CNTNAP2: variants seen among roughly 807,000 people sequenced by gnomAD.
The protein encoded by CNTNAP2 is contactin associated protein 2.
In CNTNAP2, 98 loss-of-function variants were observed where a neutral mutation model predicts 155.2. The observed-to-expected ratio is 0.63, with a 90% CI of 0.54 to 0.75. The LOEUF (loss-of-function observed/expected upper bound fraction) is 0.75. CNTNAP2 is among the 30% of genes least tolerant of loss of function. The probability of loss-of-function intolerance (pLI) is 0.00; values close to 1 mark genes in which losing one functional copy is unlikely to be tolerated. For synonymous variants in CNTNAP2, 651 were observed against 631.2 expected, an observed-to-expected ratio of 1.03 and a Z score of -0.47; for missense variants, 1,727 against 1,688.1, an observed-to-expected ratio of 1.02 and a Z score of -0.40.
chr7:146,720,886 ACT>A (rs1377709492), intron 1 of CNTNAP2, among the ~76,000 whole-genome samples: 2 of 136,920 alleles, frequency 1.5e-5, no homozygotes, highest in Admixed American at 7.2e-5. Context: ...CTATATATAT[ACT>A]CTCTATATAT....
intron 1 of CNTNAP2, among the ~76,000 whole-genome samples, chr7:146,495,668 G>GT (rs1797204333): frequency 6.6e-6 from 1 of 151,608 alleles, no homozygotes; most frequent in Admixed American, 6.6e-5. Context: ...TGTATGCTTG[G>GT]TTTTTTGAGG....
chr7:147,233,490 C>T (rs1332747134), intron 8 of CNTNAP2, among the ~76,000 whole-genome samples: 1 of 151,582 alleles, frequency 6.6e-6, no homozygotes, highest in Non-Finnish European at 1.5e-5. Context: ...TCATGAACAC[C>T]TACTTTAATG....
chr7:147,503,959 A>G (rs1798863135), intron 11 of CNTNAP2, among the ~76,000 whole-genome samples: 1 of 152,246 alleles, frequency 6.6e-6, no homozygotes, highest in Non-Finnish European at 1.5e-5. Flanking sequence ...TCATTCTTCA[A>G]AATTGCATGT....
At chr7:146,755,663 G>A (rs1373284413) in intron 1 of CNTNAP2, among the ~76,000 whole-genome samples, 1 of 151,894 alleles carries the variant, frequency 6.6e-6, no homozygotes, top group Non-Finnish European at 1.5e-5. Context: ...TGAACTAATA[G>A]CAAACAAATA....
chr7:148,245,786 TAC>T (rs150201107), intron 20 of CNTNAP2, among the ~76,000 whole-genome samples: 6 of 150,872 alleles, frequency 4.0e-5, no homozygotes, highest in Middle Eastern at 3.5e-3. Context: ...TGCACATGGG[TAC>T]ACACACACAC....
chr7:146,852,499 G>T (rs1262347054), intron 3 of CNTNAP2, among the ~76,000 whole-genome samples: 1 of 151,986 alleles, frequency 6.6e-6, no homozygotes, highest in Non-Finnish European at 1.5e-5. Context: ...GAAATGTTTG[G>T]CCTTAAAAAT....
intron 3 of CNTNAP2, among the ~76,000 whole-genome samples, chr7:146,947,964 A>G (rs1797225843): frequency 6.6e-6 from 1 of 152,060 alleles, no homozygotes; most frequent in South Asian, 2.1e-4. Context: ...CTTAATTTTA[A>G]ATGCTTTTTA....
intron 1 of CNTNAP2, among the ~76,000 whole-genome samples, chr7:146,676,386 G>A (rs999707714): frequency 6.6e-6 from 1 of 151,952 alleles, no homozygotes. Flanking sequence ...CAACCTGGGA[G>A]CATTGATTCA....
chr7:148,082,827 T>G (rs949053698), intron 15 of CNTNAP2, among the ~76,000 whole-genome samples: 4 of 152,090 alleles, frequency 2.6e-5, no homozygotes, highest in African/African-American at 2.4e-5. Flanking sequence ...TACAGGTGTG[T>G]GCCACCACGC....
intron 1 of CNTNAP2, among the ~76,000 whole-genome samples, chr7:146,326,915 T>C (rs1801107070): frequency 6.6e-6 from 1 of 152,208 alleles, no homozygotes; most frequent in Non-Finnish European, 1.5e-5. Context: ...GTCAATTATG[T>C]CGAAGAAAAT....
At chr7:146,240,934 C>T (rs1281905788) in intron 1 of CNTNAP2, among the ~76,000 whole-genome samples, 1 of 152,090 alleles carries the variant, frequency 6.6e-6, no homozygotes, top group Admixed American at 6.6e-5. Context: ...TCTGGGGAGG[C>T]CTCAGGGAGC....
At chr7:147,603,380 A>G (rs1406106817) in intron 12 of CNTNAP2, among the ~76,000 whole-genome samples, 4 of 152,116 alleles carry the variant, frequency 2.6e-5, no homozygotes, top group African/African-American at 9.7e-5. Flanking sequence ...AAGTCTCAGG[A>G]TACAAAATCA....
intron 4 of CNTNAP2, among the ~76,000 whole-genome samples, chr7:147,048,672 G>T (rs1368297738): frequency 6.6e-6 from 1 of 152,086 alleles, no homozygotes; most frequent in Non-Finnish European, 1.5e-5. Context: ...ATATAGCTAA[G>T]ACAACTGTGG....
At chr7:147,912,396 T>C (rs1563132808) in intron 14 of CNTNAP2, among the ~76,000 whole-genome samples, 1 of 152,182 alleles carries the variant, frequency 6.6e-6, no homozygotes, top group East Asian at 1.9e-4. Context: ...GCCACCCTGC[T>C]GCTGACACTG....
chr7:147,556,045 A>G (rs1799946139), intron 11 of CNTNAP2, among the ~76,000 whole-genome samples: 1 of 152,210 alleles, frequency 6.6e-6, no homozygotes, highest in Non-Finnish European at 1.5e-5. Flanking sequence ...GTAAGCAGAG[A>G]GCAGAATTTC....
chr7:147,023,055 C>T (rs1049848712), intron 3 of CNTNAP2, among the ~76,000 whole-genome samples: 5 of 152,094 alleles, frequency 3.3e-5, no homozygotes, highest in South Asian at 2.1e-4. Context: ...TTTTGCAGTA[C>T]AGGGTTCAGG....
intron 21 of CNTNAP2, among the ~76,000 whole-genome samples, chr7:148,353,510 T>C: frequency 6.6e-6 from 1 of 152,216 alleles, no homozygotes; most frequent in East Asian, 1.9e-4. Flanking sequence ...ATTGTCTGAT[T>C]GGATTTTAAG....
intron 2 of CNTNAP2, among the ~76,000 whole-genome samples, chr7:146,785,789 A>G (rs1284703875): frequency 6.6e-6 from 1 of 152,220 alleles, no homozygotes; most frequent in Non-Finnish European, 1.5e-5. Context: ...AACACTTCCA[A>G]TATTGTAGAA....
intron 1 of CNTNAP2, among the ~76,000 whole-genome samples, chr7:146,490,235 A>G (rs1797118687): frequency 6.6e-6 from 1 of 152,236 alleles, no homozygotes; most frequent in Admixed American, 6.5e-5. Flanking sequence ...AACAGCTACT[A>G]TATTTTATAT....
Sources: allele counts gnomAD v4.1 joint callset (sites outside exome capture counted in the v4.1 genomes callset), GRCh38; gene constraint gnomAD v4.1.1; transcripts MANE v1.5; gene names NCBI Gene and HGNC (gene_info 2026-07-23, HGNC 2026-07-21).